The following TRIT1 variants were observed in gnomAD, a reference collection of about 807,000 sequenced individuals.
The protein encoded by TRIT1 is tRNA isopentenyltransferase 1.
In TRIT1, 43 loss-of-function variants were observed where a neutral mutation model predicts 51.2. The observed-to-expected ratio is 0.84, with a 90% confidence interval of 0.66 to 1.08. The LOEUF is 1.08. Ranked by LOEUF, TRIT1 falls within the 50% of genes least tolerant of loss-of-function variation. TRIT1 has a pLI of 0.00. For missense variants in TRIT1, 528 were observed against 578.4 expected (o/e 0.91, Z 0.89); for synonymous variants, 184 against 203.9 (o/e 0.90, Z 0.83).
rs769808800 is a variant in TRIT1 at position 39,857,364 on chromosome 1, T to C, written c.228A>G (p.Arg76=). The C allele has an allele frequency of 1.9e-6, 3 of 1,614,176 alleles. No individual in the cohort carries two copies. The highest frequency in any genetic ancestry group is 2.2e-5 in the East Asian group (1 of 44,892). Residue 76 remains arginine, a synonymous_variant, in exon 2 of 11, where the codon AGA becomes AGG. Transcript: ENST00000316891. The part of the protein sequence containing the change: ...ITNKVSAQEQ[R]ICRHHMISFV... ...AGCTGATCATGTGGTGCCGGCAGAT[T>C]CTCTGCTCTTGGGCAGAAACCTTGT...
At chr1:39,847,900 T>C (rs770243858) in intron 6 of TRIT1, 86 bp downstream of exon 6, 1 of 1,396,948 alleles carries the variant, frequency 7.2e-7, no homozygotes, top group African/African-American at 1.4e-5. Flanking sequence ...GATAAACAAG[T>C]AGACCCAAAG....
intron 2 of TRIT1, among the ~76,000 whole-genome samples, chr1:39,856,471 G>A (rs1326805751): frequency 1.5e-5 from 2 of 135,944 alleles, no homozygotes; most frequent in Admixed American, 1.5e-4. Flanking sequence ...GCAACAGAGT[G>A]AGACTGTCTC....
intron 1 of TRIT1, chr1:39,862,668 A>G (rs1643319561): frequency 3.7e-6 from 2 of 542,938 alleles, no homozygotes; most frequent in Non-Finnish European, 4.7e-6. Flanking sequence ...TAAGTATCAC[A>G]TTTGGTCCAG....
intron 1 of TRIT1, among the ~76,000 whole-genome samples, chr1:39,866,944 T>C (rs1443196245): frequency 2.6e-5 from 4 of 152,126 alleles, no homozygotes; most frequent in Admixed American, 2.6e-4. Flanking sequence ...TGAGCCATGA[T>C]TGCACCACTG....
At chr1:39,874,321 C>T (rs1294481172) in intron 1 of TRIT1, among the ~76,000 whole-genome samples, 1 of 152,156 alleles carries the variant, frequency 6.6e-6, no homozygotes, top group African/African-American at 2.4e-5. Context: ...CATTAGATGC[C>T]AGGAACCCAC....
chr1:39,850,041 T>C, intron 5 of TRIT1, 78 bp downstream of exon 5: 1 of 1,498,622 alleles, frequency 6.7e-7, no homozygotes, highest in Non-Finnish European at 9.1e-7. Flanking sequence ...CACCCATGGT[T>C]CTCAGCATTT....
intron 1 of TRIT1, among the ~76,000 whole-genome samples, chr1:39,861,587 A>T (rs1469447864): frequency 1.3e-5 from 2 of 152,152 alleles, no homozygotes; most frequent in Non-Finnish European, 2.9e-5. Flanking sequence ...CAGACAAACA[A>T]AATGTGGTCT....
At chr1:39,847,926 T>C (rs1033173885) in intron 6 of TRIT1, 60 bp downstream of exon 6, 115 of 1,498,852 alleles carry the variant, frequency 7.7e-5, no homozygotes, top group Non-Finnish European at 1.0e-4. Context: ...ATTAGCGTTA[T>C]GGTCTTTTGA....
intron 8 of TRIT1, among the ~76,000 whole-genome samples, chr1:39,846,237 T>C (rs1048038279): frequency 6.6e-6 from 1 of 152,192 alleles, no homozygotes; most frequent in African/African-American, 2.4e-5. Context: ...GTTAGCAGTT[T>C]AGTGGTCAAC....
In TRIT1 at chr1:39,847,572, T is replaced by A. The variant is rs1281071116; in HGVS notation, c.904A>T (p.Thr302Ser). The change falls in exon 7 of 11, where the codon ACT (threonine) becomes TCT (serine). Residue 302 changes from threonine (T) to serine (S), a missense_variant. Thr to Ser is a moderately conservative substitution (Grantham distance 58). Around this residue, in one of 3 missense-constraint regions of TRIT1, gnomAD observed 468 missense variants for 522.6 expected, o/e 0.90. Transcript: ENST00000316891. ...LITEGKCTLETSNQLLKKGIE... is the reference protein window; with the variant it reads ...LITEGKCTLESSNQLLKKGIE... The stretch of plus-strand genomic sequence containing the variant: ...CCTTTCTTTAGAAGCTGGTTACTAG[T>A]CTCCAGTGTGCATTTTCCCTCAGTG... 1 of 1,614,216 alleles carries A rather than the reference T, an allele frequency of 6.2e-7. No individual in the cohort carries two copies. The highest frequency in any genetic ancestry group is 8.5e-7 in the Non-Finnish European group (1 of 1,180,038).
intron 1 of TRIT1, among the ~76,000 whole-genome samples, chr1:39,858,310 A>G (rs960701617): frequency 2.0e-5 from 3 of 152,144 alleles, no homozygotes; most frequent in Non-Finnish European, 2.9e-5. Context: ...GTACAGTGTA[A>G]TGGTTAGGAG....
rs753436963 is a variant in TRIT1, at chr1:39,838,599, G to A, written c.*3145C>T. ...CCATCCTCCTACCTGAGCCTTCCAC[G>A]TAGCTGGGACTATAGGCATGACCCA... On this transcript the variant is annotated 3_prime_UTR_variant, in exon 11 of 11. Transcript: ENST00000316891. Among the ~76,000 whole-genome samples the A allele has an allele frequency of 1.3e-5, 2 of 152,126 alleles. No homozygotes were observed. Among genetic ancestry groups the A allele is most frequent in the Non-Finnish European group, 2.9e-5 (2 of 68,034 alleles).
At chr1:39,881,810 TATA>T (rs1157760461) in intron 1 of TRIT1, 1 of 152,242 alleles carries the variant, frequency 6.6e-6, no homozygotes, top group East Asian at 1.9e-4. Flanking sequence ...TCAGAAATTC[TATA>T]ATACTTGTCA....
intron 1 of TRIT1, among the ~76,000 whole-genome samples, chr1:39,879,872 C>CAAAA (rs11406062): frequency 4.1e-5 from 2 of 49,142 alleles, no homozygotes; most frequent in African/African-American, 9.0e-5. Flanking sequence ...AACTCCATCT[C>CAAAA]AAAAAAAAAA....
chr1:39,869,971 G>T (rs1643795515), intron 1 of TRIT1, among the ~76,000 whole-genome samples: 2 of 151,816 alleles, frequency 1.3e-5, no homozygotes, highest in Admixed American at 1.3e-4. Context: ...CTGGGAGGTG[G>T]GGGGCCCCTC....
At chr1:39,875,504 C>T (rs965471681) in intron 1 of TRIT1, among the ~76,000 whole-genome samples, 2 of 151,746 alleles carry the variant, frequency 1.3e-5, no homozygotes, top group African/African-American at 4.8e-5. Flanking sequence ...AAAAAATAGA[C>T]TTACTACCAC....
chr1:39,858,490 A>G (rs1238692140), intron 1 of TRIT1, among the ~76,000 whole-genome samples: 3 of 152,242 alleles, frequency 2.0e-5, no homozygotes, highest in Non-Finnish European at 4.4e-5. Context: ...TAAATGAGTT[A>G]CTACTAAAAA....
intron 2 of TRIT1, among the ~76,000 whole-genome samples, chr1:39,854,335 C>A (rs1642767749): frequency 6.6e-6 from 1 of 152,154 alleles, no homozygotes; most frequent in South Asian, 2.1e-4. Flanking sequence ...TGCTAAAAGT[C>A]AAAGTTTTAT....
At chr1:39,856,487 G>GAA (rs61518870) in intron 2 of TRIT1, among the ~76,000 whole-genome samples, 6 of 108,684 alleles carry the variant, frequency 5.5e-5, no homozygotes, top group Admixed American at 1.0e-4. Flanking sequence ...GTCTCTAGGA[G>GAA]AAAAAAAAAA....
Sources: allele counts gnomAD v4.1 joint callset (sites outside exome capture counted in the v4.1 genomes callset), GRCh38; gene constraint gnomAD v4.1.1; regional missense constraint gnomAD v4.1.1; transcripts MANE v1.5; gene names NCBI Gene and HGNC (gene_info 2026-07-23, HGNC 2026-07-21).